Variants in TNIK observed in about 807,000 individuals in gnomAD.
TNIK encodes the protein TRAF2 and NCK interacting kinase, also known as TRAF2 and NCK-interacting protein kinase.
Under a neutral mutation model 191.3 loss-of-function variants are expected in TNIK, and 49 were observed. The ratio of observed to expected loss-of-function variants is 0.26; its 90% CI spans 0.20 to 0.32. The LOEUF (loss-of-function observed/expected upper bound fraction) is 0.32. TNIK is among the 10% of genes least tolerant of loss of function. TNIK has a pLI of 1.00. For missense variants in TNIK, 1,155 were observed against 1,702.3 expected (o/e 0.68, Z 5.66); for synonymous variants, 594 against 600.9 (o/e 0.99, Z 0.17).
chr3:171,144,141 C>G (rs573013203), intron 12 of TNIK, among the ~76,000 whole-genome samples: 113 of 152,346 alleles, frequency 7.4e-4, no homozygotes, highest in African/African-American at 2.7e-3. Flanking sequence ...CTATATTGAA[C>G]TGCCTAGAAG....
At chr3:171,192,107 A>G (rs957448389) in intron 5 of TNIK, among the ~76,000 whole-genome samples, 1 of 152,230 alleles carries the variant, frequency 6.6e-6, no homozygotes, top group African/African-American at 2.4e-5. Context: ...AAAAAGACCC[A>G]CATATACATT....
At chr3:171,077,070 T>TC (rs1720052095) in intron 28 of TNIK, among the ~76,000 whole-genome samples, 7 of 144,412 alleles carry the variant, frequency 4.8e-5, no homozygotes, top group Non-Finnish European at 7.6e-5. Context: ...TCCTTTCTTG[T>TC]TCCCCCCCCC....
At chr3:171,278,799 A>G (rs1281444321) in intron 2 of TNIK, among the ~76,000 whole-genome samples, 1 of 152,232 alleles carries the variant, frequency 6.6e-6, no homozygotes, top group Admixed American at 6.5e-5. Context: ...TTGACTGTCA[A>G]AAGAACTTAT....
chr3:171,140,760 T>G (rs576605332), intron 12 of TNIK, among the ~76,000 whole-genome samples: 1 of 152,298 alleles, frequency 6.6e-6, no homozygotes, highest in East Asian at 1.9e-4. Context: ...ACGTTCCTGT[T>G]AAGTGTGTTC....
rs1337072284 is a variant in TNIK at position 171,126,085 on chromosome 3, G to T, written c.1840C>A (p.Gln614Lys). 6.2e-7 allele frequency: 1 copy of T among 1,605,812 alleles called. No homozygotes were observed. Among genetic ancestry groups the T allele is most frequent in the Non-Finnish European group, 8.5e-7 (1 of 1,175,456 alleles). ...AACCCAGAGAGGCCCTTTGTGGGCT[G>T]CTCGTGCACTGACTGGGAGGCGGTC... ...ALTASQSVHE[Q>K]PTKGLSGFQE... Residue 614 changes from glutamine (Q) to lysine (K), a missense_variant, in exon 17 of 33, where the codon CAG becomes AAG. Around this residue, in one of 3 missense-constraint regions of TNIK, gnomAD observed 735 missense variants for 848.0 expected, o/e 0.87. Transcript: ENST00000436636.
At chr3:171,064,049 G>A (rs1036368430) in intron 32 of TNIK, 85 bp from the exon 33 acceptor site, 1 of 1,294,338 alleles carries the variant, frequency 7.7e-7, no homozygotes, top group Non-Finnish European at 1.1e-6. Context: ...TCTCTCACAT[G>A]TCCTATCCTT....
At chr3:171,084,450 A>G (rs997020987) in intron 25 of TNIK, 125 bp from the exon 26 acceptor site, 6 of 1,124,278 alleles carry the variant, frequency 5.3e-6, no homozygotes, top group Non-Finnish European at 7.5e-6. Flanking sequence ...GAAACTCTGA[A>G]ACTCTCCTTA....
In TNIK at chr3:171,175,386, G is replaced by A. The variant is rs1022197606; in HGVS notation, c.695-56C>T. On this transcript the variant is annotated intron_variant, in intron 8 of 32. Transcript: ENST00000436636. ...AGTTAGGAGGCCAAACCCAGGCCAA[G>A]CCCGTCTTGGCTGTGCAGATAATGG... 9.5e-6 allele frequency: 14 copies of A among 1,481,120 alleles called. No homozygotes were observed. In the African/African-American group the frequency reaches 1.5e-4, roughly 16 times the overall value. 91.7% of individuals were successfully genotyped at this position (1,481,120 alleles called of 1,614,324 possible).
At chr3:171,330,262 C>T (rs1756262844) in intron 2 of TNIK, among the ~76,000 whole-genome samples, 1 of 152,066 alleles carries the variant, frequency 6.6e-6, no homozygotes, top group African/African-American at 2.4e-5. Flanking sequence ...AGCAAAATAG[C>T]TGAAAGAAAA....
intron 2 of TNIK, among the ~76,000 whole-genome samples, chr3:171,313,717 A>G (rs1754304215): frequency 6.6e-6 from 1 of 152,162 alleles, no homozygotes; most frequent in African/African-American, 2.4e-5. Context: ...ACACAAGAAG[A>G]GCCAATCTGT....
intron 7 of TNIK, among the ~76,000 whole-genome samples, chr3:171,181,237 T>C (rs1736613888): frequency 6.6e-6 from 1 of 152,230 alleles, no homozygotes; most frequent in African/African-American, 2.4e-5. Context: ...CTTTCTCAAT[T>C]GCACAATGGA....
At chr3:171,323,386 C>CT (rs1755385121) in intron 2 of TNIK, among the ~76,000 whole-genome samples, 2 of 152,158 alleles carry the variant, frequency 1.3e-5, no homozygotes, top group Admixed American at 1.3e-4. Context: ...TCAGAAAACT[C>CT]TATCAGGCTT....
chr3:171,433,067 C>G (rs1054396555), intron 1 of TNIK, among the ~76,000 whole-genome samples: 5 of 152,200 alleles, frequency 3.3e-5, no homozygotes, highest in Non-Finnish European at 7.4e-5. Flanking sequence ...TAAAATTTAA[C>G]TTGACTCTTT....
intron 15 of TNIK, among the ~76,000 whole-genome samples, chr3:171,137,650 G>A (rs1730217879): frequency 6.6e-6 from 1 of 152,186 alleles, no homozygotes; most frequent in East Asian, 1.9e-4. Context: ...AAGGAAGTAT[G>A]TGTAGAAGAA....
chr3:171,386,190 TG>T (rs1236938687), intron 1 of TNIK, among the ~76,000 whole-genome samples: 1 of 152,210 alleles, frequency 6.6e-6, no homozygotes, highest in Non-Finnish European at 1.5e-5. Context: ...TATAAGTTGT[TG>T]TTTACTTTTT....
intron 11 of TNIK, among the ~76,000 whole-genome samples, chr3:171,158,397 C>T (rs1022575726): frequency 2.6e-5 from 4 of 152,176 alleles, no homozygotes; most frequent in South Asian, 2.1e-4. Flanking sequence ...TGTGTGCATA[C>T]GACAGAGATC....
intron 26 of TNIK, among the ~76,000 whole-genome samples, chr3:171,083,943 C>T (rs887435689): frequency 2.0e-5 from 3 of 152,114 alleles, no homozygotes; most frequent in African/African-American, 7.2e-5. Flanking sequence ...AATCTAATCT[C>T]GTCTTCCTGG....
At chr3:171,090,433 T>C (rs1453177222) in intron 23 of TNIK, among the ~76,000 whole-genome samples, 1 of 151,848 alleles carries the variant, frequency 6.6e-6, no homozygotes, top group Admixed American at 6.6e-5. Flanking sequence ...CTTTCTTTTT[T>C]TTTTTTTTGC....
intron 1 of TNIK, among the ~76,000 whole-genome samples, chr3:171,374,845 C>A (rs77158305): frequency 0.022 from 3,350 of 151,382 alleles, 131 homozygotes; most frequent in African/African-American, 0.077. Context: ...TCATGAATAG[C>A]TCATTTATCA....
Sources: gnomAD v4.1 joint callset for allele counts (sites outside exome capture counted in the v4.1 genomes callset) on GRCh38, gnomAD v4.1.1 for gene constraint, gnomAD v4.1.1 regional missense constraint, MANE v1.5 for transcripts, NCBI Gene and HGNC (gene_info 2026-07-23, HGNC 2026-07-21) for gene names.